The following OLA1 variants were observed in gnomAD, a reference collection of about 807,000 sequenced individuals.
OLA1 encodes Obg like ATPase 1, also known as obg-like ATPase 1.
In OLA1, 14 loss-of-function variants were observed where a neutral mutation model predicts 48.4. That is an observed-to-expected ratio of 0.29 (90% CI 0.19 to 0.45). OLA1 has a LOEUF of 0.45. Among genes scored for constraint, OLA1 ranks in the 20% least tolerant of loss-of-function variants. OLA1 has a pLI of 1.00. For missense variants in OLA1, 325 were observed against 467.1 expected (o/e 0.70, Z 2.80); for synonymous variants, 127 against 150.4 (o/e 0.84, Z 1.14).
chr2:174,085,504 C>T (rs1159476047), intron 7 of OLA1, among the ~76,000 whole-genome samples: 2 of 152,218 alleles, frequency 1.3e-5, no homozygotes, highest in Non-Finnish European at 2.9e-5. Context: ...CCCCATCACC[C>T]ACCCATGGAA....
intron 4 of OLA1, among the ~76,000 whole-genome samples, chr2:174,178,476 G>A (rs1168743854): frequency 6.6e-6 from 1 of 151,918 alleles, no homozygotes; most frequent in Non-Finnish European, 1.5e-5. Context: ...ATTTGGAAAA[G>A]TAAGATCAAA....
At chr2:174,201,591 G>A (rs781449593) in intron 4 of OLA1, among the ~76,000 whole-genome samples, 3 of 152,118 alleles carry the variant, frequency 2.0e-5, no homozygotes, top group East Asian at 1.9e-4. Flanking sequence ...AGACTCAAGC[G>A]ATCTTCCTGC....
rs538335091 is a variant in OLA1, at chr2:174,248,088, T to C, written c.-1+364A>G. 6 of 230,880 alleles carry C rather than the reference T, an allele frequency of 2.6e-5. No individual in the cohort carries two copies. In the South Asian group the frequency reaches 2.8e-4, roughly 11 times the overall value. The allele number at this position is 230,880 out of a possible 1,614,324, so 14.3% of individuals were successfully genotyped here. On this transcript the variant is annotated intron_variant, in intron 1 of 10. Coordinates refer to ENST00000284719, the MANE Select transcript of OLA1 (RefSeq NM_013341.5). ...GTCCTGACACCTGTTCCTGGCCAAC[T>C]CCCAGGCCTCCAAAGAACAGATACA...
At chr2:174,127,665 T>C (rs921322927) in intron 5 of OLA1, among the ~76,000 whole-genome samples, 1 of 152,088 alleles carries the variant, frequency 6.6e-6, no homozygotes, top group African/African-American at 2.4e-5. Flanking sequence ...TTCAAAGGGA[T>C]CCATAATCCA....
At chr2:174,111,648 T>C (rs148222038) in intron 7 of OLA1, among the ~76,000 whole-genome samples, 1 of 152,318 alleles carries the variant, frequency 6.6e-6, no homozygotes, top group Non-Finnish European at 1.5e-5. Flanking sequence ...AATATAGTAC[T>C]AAACCAGAAC....
At chr2:174,131,311 G>T (rs1686174798) in intron 5 of OLA1, among the ~76,000 whole-genome samples, 1 of 151,484 alleles carries the variant, frequency 6.6e-6, no homozygotes, top group South Asian at 2.1e-4. Flanking sequence ...TTTTCTCTGT[G>T]GTATAATATT....
chr2:174,081,290 T>C, intron 8 of OLA1, 42 bp from the exon 9 acceptor site: 3 of 1,488,146 alleles, frequency 2.0e-6, no homozygotes, highest in East Asian at 2.3e-5. Flanking sequence ...CATAAGTTGA[T>C]TGTGCCAGAA....
chr2:174,081,931 T>A lies in OLA1; in HGVS notation c.862A>T (p.Thr288Ser). 6.2e-7 allele frequency: 1 copy of A among 1,611,722 alleles called. No homozygotes were observed. Among genetic ancestry groups the A allele is most frequent in the South Asian group, 1.1e-5 (1 of 90,978 alleles). The change falls in exon 8 of 11, where the codon ACA (threonine) becomes TCA (serine). Residue 288 changes from threonine to serine, a missense_variant. By Grantham distance (58) the Thr-to-Ser change is moderately conservative. Coordinates refer to ENST00000284719, the MANE Select transcript of OLA1 (RefSeq NM_013341.5). The part of the protein sequence containing the change: ...ERQKYLEANM[T>S]QSALPKIIKA... ...AAATGAATGCTAATTAACCTTTGTG[T>A]CATGTTCGCTTCCAGATACTTCTGT...
intron 2 of OLA1, among the ~76,000 whole-genome samples, chr2:174,244,814 T>C (rs1426366993): frequency 6.6e-6 from 1 of 151,978 alleles, no homozygotes; most frequent in Non-Finnish European, 1.5e-5. Context: ...TTTTTTAAAG[T>C]AGAGATGGGG....
intron 10 of OLA1, among the ~76,000 whole-genome samples, chr2:174,078,374 T>G (rs1031623410): frequency 1.3e-5 from 2 of 151,946 alleles, no homozygotes; most frequent in African/African-American, 4.8e-5. Flanking sequence ...GCAACAGAAT[T>G]TACATTTAAC....
intron 4 of OLA1, among the ~76,000 whole-genome samples, chr2:174,219,930 A>G (rs1025364691): frequency 1.3e-5 from 2 of 152,068 alleles, no homozygotes; most frequent in African/African-American, 4.8e-5. Flanking sequence ...TGAGGAGTTC[A>G]GGACCAGCCT....
intron 4 of OLA1, among the ~76,000 whole-genome samples, chr2:174,144,352 C>T (rs184926216): frequency 6.6e-6 from 1 of 151,668 alleles, no homozygotes; most frequent in African/African-American, 2.4e-5. Context: ...TGGTAACATA[C>T]CATAAGTAGA....
At chr2:174,217,507 T>G (rs1490638844) in intron 4 of OLA1, among the ~76,000 whole-genome samples, 1 of 152,222 alleles carries the variant, frequency 6.6e-6, no homozygotes, top group African/African-American at 2.4e-5. Context: ...AGAAAAGTTT[T>G]CTTTCCCACT....
At chr2:174,144,961 T>A (rs868012252) in intron 4 of OLA1, among the ~76,000 whole-genome samples, 4,291 of 109,128 alleles carry the variant, frequency 0.039, 128 homozygotes, top group Non-Finnish European at 0.055. Context: ...AATATATATA[T>A]ATATATATAT....
rs200337544 is a variant in OLA1 at position 174,223,040 on chromosome 2, A to T, written c.366T>A (p.His122Gln). Reference protein sequence around the residue: ...SHISACDGIFHLTRAFEDDDI... With the variant: ...SHISACDGIFQLTRAFEDDDI... The stretch of plus-strand genomic sequence containing the variant: ...ATAAACAACTGTACTTACGTGTTAG[A>T]TGAAAGATGCCATCACAGGCACTAA... The change falls in exon 4 of 11, where the codon CAT becomes CAA. Residue 122 changes from histidine (H) to glutamine (Q), a missense_variant. By Grantham distance (24) the His-to-Gln change is conservative. Coordinates refer to ENST00000284719, the MANE Select transcript of OLA1 (RefSeq NM_013341.5). 100 of 1,612,190 alleles carry T rather than the reference A, an allele frequency of 6.2e-5. No individual in the cohort carries two copies. Among genetic ancestry groups the T allele is most frequent in the Non-Finnish European group, 4.2e-5 (50 of 1,179,232 alleles).
chr2:174,240,075 T>A (rs1688959470), intron 2 of OLA1: 1 of 152,220 alleles, frequency 6.6e-6, no homozygotes, highest in Non-Finnish European at 1.5e-5. Context: ...TAGGAATTTT[T>A]AAAACTATTT....
intron 2 of OLA1, among the ~76,000 whole-genome samples, chr2:174,246,105 G>C (rs1486532185): frequency 5.9e-5 from 9 of 151,544 alleles, no homozygotes; most frequent in Non-Finnish European, 8.8e-5. Flanking sequence ...TTCAAGACCA[G>C]CCTGGCCAAC....
At position 174,072,602 on chromosome 2, in the gene OLA1, A is replaced by G. The variant is rs1384304884; in HGVS notation, c.*2824T>C. ...AAAAGAGCATCAAGTGAATTTAAGT[A>G]GACTAATCAGAACAATAGAAGAGGC... On this transcript the variant is annotated 3_prime_UTR_variant, in exon 11 of 11. Transcript: ENST00000284719. 2 of 152,378 alleles carry G rather than the reference A, an allele frequency of 1.3e-5. No individual in the cohort carries two copies. Among genetic ancestry groups the G allele is most frequent in the Non-Finnish European group, 2.9e-5 (2 of 68,038 alleles). The allele number at this position is 152,378 out of a possible 1,614,324, so 9.4% of individuals were successfully genotyped here.
At chr2:174,236,551 A>G (rs1025892952) in intron 2 of OLA1, among the ~76,000 whole-genome samples, 14 of 152,328 alleles carry the variant, frequency 9.2e-5, no homozygotes, top group African/African-American at 2.9e-4. Flanking sequence ...TATCTAGGGA[A>G]GAACATGCAT....
Sources: gnomAD v4.1 joint callset for allele counts (sites outside exome capture counted in the v4.1 genomes callset) on GRCh38, gnomAD v4.1.1 for gene constraint, MANE v1.5 for transcripts, NCBI Gene and HGNC (gene_info 2026-07-23, HGNC 2026-07-21) for gene names.